ADARB2: variants seen among roughly 807,000 people sequenced by gnomAD.
The protein encoded by ADARB2 is inactive double-stranded RNA-specific editase B2.
In ADARB2, 25 loss-of-function variants were observed where a neutral mutation model predicts 62.2. The observed-to-expected ratio is 0.40, with a 90% CI of 0.29 to 0.56. ADARB2 has a LOEUF of 0.56. ADARB2 is among the 20% of genes least tolerant of loss of function. ADARB2 has a pLI of 0.43. For synonymous variants in ADARB2, 572 were observed against 500.8 expected (o/e 1.14, Z -1.90); for missense variants, 1,071 against 1,077.4 (o/e 0.99, Z 0.08).
chr10:1,556,775 T>C (rs1278488832), intron 1 of ADARB2: 1 of 534,506 alleles, frequency 1.9e-6, no homozygotes, highest in South Asian at 1.4e-5. Flanking sequence ...ACCCCAGATC[T>C]TCCTGCCCCT....
intron 1 of ADARB2, among the ~76,000 whole-genome samples, chr10:1,578,778 G>A (rs192888344): frequency 1.8e-3 from 281 of 151,902 alleles, no homozygotes; most frequent in African/African-American, 6.6e-3. Flanking sequence ...ACAGGTACTC[G>A]TTTACAGACA....
intron 1 of ADARB2, among the ~76,000 whole-genome samples, chr10:1,657,004 TG>T (rs1834180022): frequency 6.7e-6 from 1 of 150,280 alleles, no homozygotes; most frequent in Non-Finnish European, 1.5e-5. Flanking sequence ...TAGTGTTTTG[TG>T]TGTGTGTGTG....
chr10:1,642,688 G>A (rs1833992514), intron 1 of ADARB2, among the ~76,000 whole-genome samples: 1 of 151,880 alleles, frequency 6.6e-6, no homozygotes, highest in Non-Finnish European at 1.5e-5. Context: ...TCTCACCATA[G>A]ACACTCACAC....
intron 7 of ADARB2, among the ~76,000 whole-genome samples, chr10:1,214,126 C>A (rs906183426): frequency 2.0e-5 from 2 of 101,772 alleles, no homozygotes; most frequent in African/African-American, 7.3e-5. Context: ...TGTCCAGCGT[C>A]ATGTAGGTTT....
intron 4 of ADARB2, among the ~76,000 whole-genome samples, chr10:1,245,984 T>A (rs1830983152): frequency 6.6e-6 from 1 of 151,658 alleles, no homozygotes; most frequent in Non-Finnish European, 1.5e-5. Context: ...TTTCTCCACA[T>A]CCTCTCCAGC....
intron 1 of ADARB2, among the ~76,000 whole-genome samples, chr10:1,550,929 G>T (rs1233031704): frequency 6.6e-6 from 1 of 152,130 alleles, no homozygotes; most frequent in Non-Finnish European, 1.5e-5. Flanking sequence ...GGTGCACTGT[G>T]CTTTTAAAAT....
At chr10:1,568,837 T>TCTATCTAC (rs1211641314) in intron 1 of ADARB2, among the ~76,000 whole-genome samples, 1 of 151,616 alleles carries the variant, frequency 6.6e-6, no homozygotes, top group Non-Finnish European at 1.5e-5. Context: ...TATCTATCTA[T>TCTATCTAC]CTATCTATGA....
At chr10:1,682,997 G>A (rs1367778884) in intron 1 of ADARB2, among the ~76,000 whole-genome samples, 2 of 152,178 alleles carry the variant, frequency 1.3e-5, no homozygotes, top group Non-Finnish European at 2.9e-5. Context: ...TAAGAAGCAC[G>A]TGGTTATCGA....
chr10:1,217,243 C>G (rs772791365), intron 6 of ADARB2, 124 bp from the exon 7 acceptor site: 119 of 987,984 alleles, frequency 1.2e-4, no homozygotes, highest in Non-Finnish European at 1.6e-4. Context: ...GCGTTTGGCA[C>G]GAGGAAGGGG....
At chr10:1,315,164 G>A (rs1402698546) in intron 3 of ADARB2, among the ~76,000 whole-genome samples, 11 of 152,178 alleles carry the variant, frequency 7.2e-5, no homozygotes, top group African/African-American at 2.7e-4. Context: ...AGTTGGTGCA[G>A]ACTCTTCTTC....
At chr10:1,629,390 C>G (rs557928951) in intron 1 of ADARB2, among the ~76,000 whole-genome samples, 4 of 152,246 alleles carry the variant, frequency 2.6e-5, no homozygotes, top group South Asian at 2.1e-4. Flanking sequence ...CAGGACTTCA[C>G]AGTGACATTC....
rs183438666 is a variant in ADARB2, at chr10:1,435,570, C to T, written c.101-56410G>A. On this transcript the variant is annotated intron_variant, in intron 1 of 9. Coordinates refer to ENST00000381312, the MANE Select transcript of ADARB2 (RefSeq NM_018702.4). ...GGACTGAGCCTGCCTCTGCACCATC[C>T]TGCAGTGTCCTCTCATCCAAACTGT... is the stretch of plus-strand genomic sequence containing the variant. Among the ~76,000 whole-genome samples, 362 of 149,088 alleles carry T rather than the reference C, an allele frequency of 2.4e-3. 2 individuals are homozygous for T. The highest frequency in any genetic ancestry group is 8.4e-3 in the African/African-American group (324 of 38,530).
chr10:1,271,435 C>T (rs951331634), intron 3 of ADARB2, among the ~76,000 whole-genome samples: 1 of 152,196 alleles, frequency 6.6e-6, no homozygotes, highest in East Asian at 1.9e-4. Context: ...GATGGGCCAC[C>T]GCAGTCTTCT....
chr10:1,326,846 GCGCCTCCCCACTGCCCA>G, intron 3 of ADARB2, among the ~76,000 whole-genome samples: 1 of 90,514 alleles, frequency 1.1e-5, no homozygotes, highest in African/African-American at 4.1e-5. Context: ...CCACGGCCCA[GCGCCTCCCCACTGCCCA>G]GCGCCTCCCC....
intron 6 of ADARB2, among the ~76,000 whole-genome samples, chr10:1,227,492 C>CGTCG (rs1830758956): frequency 6.6e-6 from 1 of 152,228 alleles, no homozygotes; most frequent in African/African-American, 2.4e-5. Flanking sequence ...CTGTCTTCTG[C>CGTCG]GTCGCTCACG....
chr10:1,331,292 C>A (rs1831925518), intron 3 of ADARB2, among the ~76,000 whole-genome samples: 1 of 152,134 alleles, frequency 6.6e-6, no homozygotes, highest in Non-Finnish European at 1.5e-5. Context: ...TACATAAAAC[C>A]ACATATTCAA....
intron 1 of ADARB2, among the ~76,000 whole-genome samples, chr10:1,724,346 T>C (rs1835135918): frequency 6.6e-6 from 1 of 152,230 alleles, no homozygotes; most frequent in African/African-American, 2.4e-5. Context: ...ATCTGTGTCC[T>C]GGTGGTGTCG....
chr10:1,333,466 A>G (rs528351831), intron 3 of ADARB2, among the ~76,000 whole-genome samples: 1 of 152,228 alleles, frequency 6.6e-6, no homozygotes, highest in African/African-American at 2.4e-5. Flanking sequence ...CTCAACCACC[A>G]CATGAAACTG....
rs368843606 is a variant in ADARB2 at position 1,549,655 on chromosome 10, A to G, written c.101-170495T>C. On this transcript the variant is annotated intron_variant, in intron 1 of 9. Coordinates refer to ENST00000381312, the MANE Select transcript of ADARB2 (RefSeq NM_018702.4). ...GAGAGAGCTGCGTAAGAGAGAACGCAATGCACTCTTCCTCCTCATTGTCAC... is the reference window on the plus strand; with the variant it reads ...GAGAGAGCTGCGTAAGAGAGAACGCGATGCACTCTTCCTCCTCATTGTCAC... Among the ~76,000 whole-genome samples, 5 of 152,238 alleles carry G rather than the reference A, an allele frequency of 3.3e-5. No homozygotes were observed. In the South Asian group the frequency reaches 6.2e-4, roughly 19 times the overall value.
Sources: allele counts gnomAD v4.1 joint callset (sites outside exome capture counted in the v4.1 genomes callset), GRCh38; gene constraint gnomAD v4.1.1; transcripts MANE v1.5; gene names NCBI Gene and HGNC (gene_info 2026-07-23, HGNC 2026-07-21).